ZNF804A: variants seen among roughly 807,000 people sequenced by gnomAD.
ZNF804A encodes the protein zinc finger protein 804A.
Under a neutral mutation model 16.5 loss-of-function variants are expected in ZNF804A, and 2 were observed. That is an observed-to-expected ratio of 0.12 (90% CI 0.05 to 0.38). The LOEUF is 0.38. ZNF804A is among the 10% of genes least tolerant of loss of function. The pLI is 0.99. For missense variants in ZNF804A, 1,473 were observed against 1,390.7 expected, an observed-to-expected ratio of 1.06 and a Z score of -0.94; for synonymous variants, 534 against 489.6, an observed-to-expected ratio of 1.09 and a Z score of -1.20.
chr2:184,863,393 A>T (rs1220689055), intron 1 of ZNF804A, among the ~76,000 whole-genome samples: 1 of 152,130 alleles, frequency 6.6e-6, no homozygotes, highest in Non-Finnish European at 1.5e-5. Flanking sequence ...AGCTATAGTT[A>T]CTTTTAAATT....
intron 2 of ZNF804A, among the ~76,000 whole-genome samples, chr2:184,888,245 T>C (rs538735304): frequency 1.6e-4 from 25 of 152,284 alleles, no homozygotes; most frequent in African/African-American, 6.0e-4. Context: ...TGAAAGTAAT[T>C]ATAAAATTTT....
At chr2:184,842,748 T>G (rs568065989) in intron 1 of ZNF804A, among the ~76,000 whole-genome samples, 1 of 152,210 alleles carries the variant, frequency 6.6e-6, no homozygotes, top group African/African-American at 2.4e-5. Flanking sequence ...AATTCACATA[T>G]AAGCTCTGGG....
At chr2:184,873,699 T>A (rs1254032544) in intron 2 of ZNF804A, among the ~76,000 whole-genome samples, 1 of 152,066 alleles carries the variant, frequency 6.6e-6, no homozygotes, top group Non-Finnish European at 1.5e-5. Context: ...AATGGCCCAG[T>A]AGAAAACTGA....
intron 1 of ZNF804A, among the ~76,000 whole-genome samples, chr2:184,634,562 G>A (rs1289951005): frequency 6.6e-6 from 1 of 151,878 alleles, no homozygotes; most frequent in Non-Finnish European, 1.5e-5. Context: ...AGGGAGGGAG[G>A]GCGTCAGGGA....
intron 1 of ZNF804A, among the ~76,000 whole-genome samples, chr2:184,768,456 G>A (rs1229605419): frequency 6.6e-6 from 1 of 151,982 alleles, no homozygotes; most frequent in Non-Finnish European, 1.5e-5. Context: ...TACATATAAA[G>A]GAAAGATGAA....
intron 1 of ZNF804A, among the ~76,000 whole-genome samples, chr2:184,791,839 C>A (rs1225427255): frequency 6.6e-6 from 1 of 152,096 alleles, no homozygotes; most frequent in Non-Finnish European, 1.5e-5. Context: ...CATCTTTCCC[C>A]AAACCCTGGC....
chr2:184,833,937 A>C (rs1291172449), intron 1 of ZNF804A, among the ~76,000 whole-genome samples: 4 of 152,048 alleles, frequency 2.6e-5, no homozygotes, highest in Non-Finnish European at 5.9e-5. Flanking sequence ...AAAGCATATG[A>C]CTTCCTTTGT....
intron 2 of ZNF804A, among the ~76,000 whole-genome samples, chr2:184,870,614 T>TA (rs1190341316): frequency 6.6e-6 from 1 of 151,990 alleles, no homozygotes; most frequent in Non-Finnish European, 1.5e-5. Context: ...CACTGTTTCT[T>TA]AAAAAAATAC....
At chr2:184,603,229 G>A (rs746688216) in intron 1 of ZNF804A, among the ~76,000 whole-genome samples, 6 of 152,038 alleles carry the variant, frequency 3.9e-5, no homozygotes, top group Non-Finnish European at 7.4e-5. Context: ...GGCACCACAG[G>A]CTCTGTATTA....
At chr2:184,697,325 T>C (rs1692848198) in intron 1 of ZNF804A, among the ~76,000 whole-genome samples, 1 of 152,068 alleles carries the variant, frequency 6.6e-6, no homozygotes, top group Non-Finnish European at 1.5e-5. Context: ...AGTTGAACCA[T>C]GCATTACGTG....
At chr2:184,810,673 G>A (rs997069963) in intron 1 of ZNF804A, among the ~76,000 whole-genome samples, 1 of 151,668 alleles carries the variant, frequency 6.6e-6, no homozygotes, top group African/African-American at 2.4e-5. Context: ...TGTATTTTTA[G>A]TAGAAACGGG....
At chr2:184,696,506 A>G (rs776486988) in intron 1 of ZNF804A, among the ~76,000 whole-genome samples, 1 of 152,154 alleles carries the variant, frequency 6.6e-6, no homozygotes, top group Non-Finnish European at 1.5e-5. Flanking sequence ...GTTCTAAAGG[A>G]TGAGAGTTTC....
At chr2:184,644,302 A>G (rs1326421060) in intron 1 of ZNF804A, among the ~76,000 whole-genome samples, 27 of 151,728 alleles carry the variant, frequency 1.8e-4, no homozygotes, top group Admixed American at 1.8e-3. Flanking sequence ...GAAACAACTG[A>G]ATAGATTTTG....
chr2:184,863,822 A>C (rs908975057), intron 1 of ZNF804A, among the ~76,000 whole-genome samples: 1 of 152,158 alleles, frequency 6.6e-6, no homozygotes, highest in Non-Finnish European at 1.5e-5. Context: ...TGACTAATCC[A>C]TAAAGTATTA....
At chr2:184,623,278 A>C (rs1190625119) in intron 1 of ZNF804A, among the ~76,000 whole-genome samples, 2 of 152,118 alleles carry the variant, frequency 1.3e-5, no homozygotes, top group East Asian at 3.8e-4. Context: ...TTTACTAAAA[A>C]ATAAAATCCT....
At chr2:184,805,612 T>C (rs1694789298) in intron 1 of ZNF804A, among the ~76,000 whole-genome samples, 1 of 152,008 alleles carries the variant, frequency 6.6e-6, no homozygotes, top group Non-Finnish European at 1.5e-5. Flanking sequence ...ATTTTTGTGG[T>C]CAAAATGTTT....
At chr2:184,930,436 A>C (rs934468141) in intron 2 of ZNF804A, among the ~76,000 whole-genome samples, 1 of 152,206 alleles carries the variant, frequency 6.6e-6, no homozygotes, top group African/African-American at 2.4e-5. Context: ...ATCCTACACA[A>C]ATATGTCAGT....
intron 1 of ZNF804A, among the ~76,000 whole-genome samples, chr2:184,608,410 G>A (rs1479209170): frequency 6.6e-6 from 1 of 152,152 alleles, no homozygotes; most frequent in Non-Finnish European, 1.5e-5. Context: ...CTATCTAGGA[G>A]CAAAGAGAAA....
At chr2:184,724,840 T>C (rs1693380430) in intron 1 of ZNF804A, among the ~76,000 whole-genome samples, 1 of 151,676 alleles carries the variant, frequency 6.6e-6, no homozygotes, top group African/African-American at 2.4e-5. Context: ...AATAGCAAAG[T>C]AGTTTTATAA....
Sources: allele counts gnomAD v4.1 joint callset (sites outside exome capture counted in the v4.1 genomes callset), GRCh38; gene constraint gnomAD v4.1.1; transcripts MANE v1.5; gene names NCBI Gene and HGNC (gene_info 2026-07-23, HGNC 2026-07-21).